Variants in SLC4A5 observed in about 807,000 individuals in gnomAD.
SLC4A5 encodes solute carrier family 4 member 5.
SLC4A5 carries 96 observed loss-of-function variants against 120.4 expected under a neutral mutation model. That is an observed-to-expected ratio of 0.80 (90% CI 0.68 to 0.94). The LOEUF (loss-of-function observed/expected upper bound fraction) is 0.94, where lower values mean the gene tolerates loss of function less well. SLC4A5 is among the 40% of genes least tolerant of loss of function. SLC4A5 has a pLI of 0.00. For synonymous variants in SLC4A5, 550 were observed against 571.1 expected (o/e 0.96, Z 0.53); for missense variants, 1,259 against 1,459.5 (o/e 0.86, Z 2.24).
chr2:74,304,537 T>G, exon 7 of SLC4A5: 1 of 1,614,016 alleles, frequency 6.2e-7, no homozygotes, highest in Non-Finnish European at 8.5e-7. Flanking sequence ...CTTGCCCCAC[T>G]CCCTGGGCCA....
chr2:74,315,446 A>AG (rs1672937674), intron 5 of SLC4A5, among the ~76,000 whole-genome samples: 1 of 119,942 alleles, frequency 8.3e-6, no homozygotes, highest in Non-Finnish European at 1.6e-5. Flanking sequence ...TCTTACGAAA[A>AG]GAAAAAAAAA....
At chr2:74,311,332 C>T (rs1041286977) in intron 6 of SLC4A5, among the ~76,000 whole-genome samples, 9 of 151,574 alleles carry the variant, frequency 5.9e-5, no homozygotes, top group Non-Finnish European at 1.2e-4. Context: ...TCCCTTTTTT[C>T]TTCTTGCTTT....
intron 6 of SLC4A5, chr2:74,307,117 G>A (rs574399267): frequency 7.8e-5 from 43 of 550,972 alleles, no homozygotes; most frequent in African/African-American, 3.7e-4. Context: ...TGGACTGTAC[G>A]TCTCAGTTTC....
At chr2:74,317,612 C>G (rs1453535277) in intron 5 of SLC4A5, among the ~76,000 whole-genome samples, 1 of 152,134 alleles carries the variant, frequency 6.6e-6, no homozygotes, top group Non-Finnish European at 1.5e-5. Flanking sequence ...CTGTAGGAGA[C>G]TAAAGCCAGG....
chr2:74,267,527 TAAA>T, intron 8 of SLC4A5, among the ~76,000 whole-genome samples: 1 of 152,258 alleles, frequency 6.6e-6, no homozygotes, highest in Admixed American at 6.5e-5. Context: ...TCCCATTTTA[TAAA>T]AAAGAAAAAC....
chr2:74,294,287 C>T (rs529104713), intron 7 of SLC4A5, among the ~76,000 whole-genome samples: 3 of 152,268 alleles, frequency 2.0e-5, no homozygotes, highest in South Asian at 2.1e-4. Context: ...AGAAAGGCCC[C>T]GAGCATTATA....
chr2:74,304,663 T>TGCC, exon 7 of SLC4A5: 1 of 1,613,784 alleles, frequency 6.2e-7, no homozygotes, highest in Non-Finnish European at 8.5e-7. Flanking sequence ...GGAAGCCCAA[T>TGCC]GTGGATAGGA....
intron 4 of SLC4A5, among the ~76,000 whole-genome samples, chr2:74,333,183 G>T (rs1673403349): frequency 6.6e-6 from 1 of 152,180 alleles, no homozygotes; most frequent in South Asian, 2.1e-4. Flanking sequence ...CCTCTAGTGG[G>T]TAGTGGTCAG....
chr2:74,279,528 C>T (rs1373452438), intron 8 of SLC4A5, among the ~76,000 whole-genome samples: 1 of 152,150 alleles, frequency 6.6e-6, no homozygotes, highest in Non-Finnish European at 1.5e-5. Flanking sequence ...GCTCTCTTCT[C>T]ACTTCACAGA....
In SLC4A5 at chr2:74,296,055, G is replaced by A. The variant is rs1310181245; in HGVS notation, c.271+8434C>T. ...TTCATTGGTTCACTTGCAAATTCAG[G>A]CTCTCAACCCATTTCCCCTTAAGGT... On this transcript the variant is annotated intron_variant, in intron 7 of 30. Transcript: ENST00000394019. Among the ~76,000 whole-genome samples the A allele has an allele frequency of 2.0e-5, 3 of 152,134 alleles. No individual in the cohort carries two copies. In the East Asian group the frequency reaches 5.8e-4, roughly 29 times the overall value.
intron 28 of SLC4A5, 116 bp from the exon 29 acceptor site, chr2:74,223,068 G>C (rs1187640767): frequency 1.8e-5 from 11 of 602,352 alleles, no homozygotes; most frequent in Non-Finnish European, 3.1e-5. Flanking sequence ...GCAGTGGTGC[G>C]ATCTCGGCTC....
chr2:74,332,726 C>A (rs58611276), intron 4 of SLC4A5, among the ~76,000 whole-genome samples: 2 of 141,138 alleles, frequency 1.4e-5, no homozygotes, highest in African/African-American at 6.1e-5. Context: ...TGTGTGTGTG[C>A]GTGTGTGTGC....
intron 2 of SLC4A5, among the ~76,000 whole-genome samples, chr2:74,340,684 G>A (rs1446369758): frequency 6.6e-6 from 1 of 152,180 alleles, no homozygotes; most frequent in African/African-American, 2.4e-5. Flanking sequence ...TGGTGAGCTG[G>A]AGATCACAAA....
rs200545658 is a variant in SLC4A5, at chr2:74,326,795, A to AAAAC, written c.-3+1321_-3+1324dup. On this transcript the variant is annotated intron_variant, in intron 5 of 30. Transcript: ENST00000394019. ...GATGGCACCACTGCACTCAAAAACA[A>AAAAC]AAACAAACAAACAAACAAAACACCT... is the stretch of plus-strand genomic sequence containing the variant. Among the ~76,000 whole-genome samples, 364 of 152,234 alleles carry AAAAC rather than the reference A, an allele frequency of 2.4e-3. 2 individuals are homozygous for AAAAC. Among genetic ancestry groups the AAAAC allele is most frequent in the African/African-American group, 8.5e-3 (355 of 41,552 alleles).
intron 6 of SLC4A5, among the ~76,000 whole-genome samples, chr2:74,308,786 C>T (rs1299728488): frequency 1.3e-5 from 2 of 151,432 alleles, no homozygotes. Flanking sequence ...TCTAAAAACT[C>T]ATCACCAGAC....
intron 7 of SLC4A5, chr2:74,290,319 T>C (rs1013287005): frequency 1.0e-6 from 1 of 985,426 alleles, no homozygotes; most frequent in African/African-American, 1.7e-5. Context: ...CTTCCGCTGC[T>C]GCCTCCCTGG....
intron 6 of SLC4A5, among the ~76,000 whole-genome samples, chr2:74,311,604 G>A (rs1185329374): frequency 1.3e-5 from 2 of 151,704 alleles, no homozygotes; most frequent in Admixed American, 6.6e-5. Flanking sequence ...AAATATGTTG[G>A]GATTTTCCAG....
intron 5 of SLC4A5, among the ~76,000 whole-genome samples, chr2:74,326,919 G>GTGACACAGCTAGCTTTAAAGATGTA (rs1331288741): frequency 6.6e-6 from 1 of 152,158 alleles, no homozygotes; most frequent in African/African-American, 2.4e-5. Context: ...CAAGGTGGTG[G>GTGACACAGCTAGCTTTAAAGATGTA]TGACACAGCT....
At chr2:74,237,946 AC>A (rs1256582749) in intron 21 of SLC4A5, among the ~76,000 whole-genome samples, 7 of 151,970 alleles carry the variant, frequency 4.6e-5, no homozygotes, top group Non-Finnish European at 4.4e-5. Context: ...AACTAAAATT[AC>A]AAAAATTAGC....
Sources: allele counts gnomAD v4.1 joint callset (sites outside exome capture counted in the v4.1 genomes callset), GRCh38; gene constraint gnomAD v4.1.1; transcripts MANE v1.5; gene names NCBI Gene and HGNC (gene_info 2026-07-23, HGNC 2026-07-21).